TANGO6: variants seen among roughly 807,000 people sequenced by gnomAD.
The protein encoded by TANGO6 is transport and Golgi organization protein 6 homolog.
Under a neutral mutation model 114.2 loss-of-function variants are expected in TANGO6, and 90 were observed. That is an observed-to-expected ratio of 0.79 (90% CI 0.66 to 0.94). TANGO6 has a LOEUF of 0.94. TANGO6 is among the 40% of genes least tolerant of loss of function. The pLI is 0.00. For synonymous variants in TANGO6, 477 were observed against 509.8 expected, an observed-to-expected ratio of 0.94 and a Z score of 0.87; for missense variants, 1,274 against 1,315.3, an observed-to-expected ratio of 0.97 and a Z score of 0.49.
intron 14 of TANGO6, among the ~76,000 whole-genome samples, chr16:68,932,313 ACTC>A (rs996652588): frequency 1.3e-5 from 2 of 151,552 alleles, no homozygotes; most frequent in African/African-American, 4.9e-5. Context: ...CTGGTCTCGA[ACTC>A]CTGACCTTGG....
rs1436358783 is a variant in TANGO6 at position 68,922,081 on chromosome 16, G to A, written c.2127+2862G>A. On this transcript the variant is annotated intron_variant, in intron 12 of 17. Coordinates refer to ENST00000261778, the MANE Select transcript of TANGO6 (RefSeq NM_024562.2). The stretch of plus-strand genomic sequence containing the variant: ...TTTTTCCTATTTCTTACTAGGATTC[G>A]TTGTTTTGGCTTATTAAAAAAGAAT... Among the ~76,000 whole-genome samples, 5 of 151,992 alleles carry A rather than the reference G, an allele frequency of 3.3e-5. No individual in the cohort carries two copies. The South Asian group carries it at 6.2e-4, about 19-fold the overall frequency.
chr16:69,070,822 G>A (rs577064398), intron 17 of TANGO6, among the ~76,000 whole-genome samples: 8 of 150,750 alleles, frequency 5.3e-5, no homozygotes, highest in African/African-American at 1.9e-4. Flanking sequence ...TGCCCATGCT[G>A]GAATGTAATG....
chr16:68,963,043 G>A (rs1216393920), intron 14 of TANGO6, among the ~76,000 whole-genome samples: 2 of 147,598 alleles, frequency 1.4e-5, no homozygotes, highest in African/African-American at 5.0e-5. Flanking sequence ...GCAGTGAGCC[G>A]AGATCGCGCC....
At chr16:69,059,135 C>T (rs574408015) in intron 17 of TANGO6, among the ~76,000 whole-genome samples, 5 of 150,064 alleles carry the variant, frequency 3.3e-5, no homozygotes, top group Non-Finnish European at 4.4e-5. Flanking sequence ...AGTGCATTGG[C>T]GCTATCATGG....
intron 14 of TANGO6, among the ~76,000 whole-genome samples, chr16:68,972,033 A>G (rs1963710829): frequency 6.6e-6 from 1 of 152,096 alleles, no homozygotes; most frequent in Non-Finnish European, 1.5e-5. Flanking sequence ...CTACAACTAC[A>G]GTGTCACATT....
At chr16:68,952,597 A>T (rs1963481055) in intron 14 of TANGO6, among the ~76,000 whole-genome samples, 1 of 152,206 alleles carries the variant, frequency 6.6e-6, no homozygotes, top group Non-Finnish European at 1.5e-5. Flanking sequence ...TGAATGAAGC[A>T]TCAATTACCC....
chr16:69,015,602 T>C (rs1187333388), intron 15 of TANGO6, among the ~76,000 whole-genome samples: 1 of 151,856 alleles, frequency 6.6e-6, no homozygotes, highest in Non-Finnish European at 1.5e-5. Context: ...CTGCCTCAGC[T>C]TCCCGAGTAG....
intron 17 of TANGO6, among the ~76,000 whole-genome samples, chr16:69,050,297 A>G (rs1436515987): frequency 6.6e-6 from 1 of 152,118 alleles, no homozygotes; most frequent in Non-Finnish European, 1.5e-5. Flanking sequence ...GATAAGGTTT[A>G]GATTTTGCAT....
chr16:68,980,815 G>A (rs1597046126), intron 15 of TANGO6, among the ~76,000 whole-genome samples: 4 of 152,064 alleles, frequency 2.6e-5, no homozygotes, highest in Admixed American at 2.6e-4. Context: ...GTCTAACACC[G>A]TGAAACCCCG....
intron 4 of TANGO6, among the ~76,000 whole-genome samples, chr16:68,869,174 C>T (rs1962226791): frequency 6.6e-6 from 1 of 152,090 alleles, no homozygotes. Flanking sequence ...TTTAAATCTC[C>T]TTTTAATACA....
Position 68,906,997 on chromosome 16 carries a change from G to A in TANGO6, c.1668-446G>A, listed in dbSNP as rs547306450. On this transcript the variant is annotated intron_variant, in intron 9 of 17. Coordinates refer to ENST00000261778, the MANE Select transcript of TANGO6 (RefSeq NM_024562.2). ...TTTAGTAGAGACGGGGTTTCACCATGTTGGCCAGGCTAGTCTCAAACTCCT... is the reference window on the plus strand; with the variant it reads ...TTTAGTAGAGACGGGGTTTCACCATATTGGCCAGGCTAGTCTCAAACTCCT... Among the ~76,000 whole-genome samples, 11 of 151,528 alleles carry A rather than the reference G, an allele frequency of 7.3e-5. No individual in the cohort carries two copies. In the South Asian group the frequency reaches 2.1e-3, roughly 29 times the overall value.
chr16:68,907,479 A>G lies in TANGO6; in HGVS notation c.1704A>G (p.Val568=). The G allele has an allele frequency of 1.2e-6, 2 of 1,612,348 alleles. No individual in the cohort carries two copies. Among genetic ancestry groups the G allele is most frequent in the South Asian group, 2.2e-5 (2 of 90,716 alleles). Residue 568 remains valine (V), a synonymous_variant, in exon 10 of 18, where the codon GTA becomes GTG. Coordinates refer to ENST00000261778, the MANE Select transcript of TANGO6 (RefSeq NM_024562.2). ...AAGATGAAGCCCTGTACCAGAAGGT[A>G]TCCTCTGAGCAGGGCCGGGTGGAGC... is the stretch of plus-strand genomic sequence containing the variant. The part of the protein sequence containing the change: ...EDEDEALYQK[V]SSEQGRVEHL...
intron 16 of TANGO6, among the ~76,000 whole-genome samples, chr16:69,031,420 G>C (rs991131699): frequency 6.6e-6 from 1 of 152,020 alleles, no homozygotes; most frequent in Non-Finnish European, 1.5e-5. Flanking sequence ...TCATAGCAAG[G>C]CTGGGCACGG....
chr16:69,067,727 T>C (rs1453834814), intron 17 of TANGO6, among the ~76,000 whole-genome samples: 1 of 151,732 alleles, frequency 6.6e-6, no homozygotes, highest in Non-Finnish European at 1.5e-5. Flanking sequence ...CACTTGAAGT[T>C]GGGAGTTCAA....
intron 14 of TANGO6, among the ~76,000 whole-genome samples, chr16:68,949,320 T>G (rs1963447215): frequency 1.3e-5 from 2 of 151,972 alleles, no homozygotes; most frequent in South Asian, 4.2e-4. Context: ...ATAAATGACA[T>G]TTAAAAATAG....
chr16:68,932,413 G>T (rs980926470), intron 14 of TANGO6, among the ~76,000 whole-genome samples: 1 of 152,168 alleles, frequency 6.6e-6, no homozygotes. Context: ...AATTAAAGGG[G>T]AGAGGGCTAA....
intron 17 of TANGO6, among the ~76,000 whole-genome samples, chr16:69,054,330 TAG>T (rs1959998905): frequency 2.0e-5 from 3 of 152,068 alleles, no homozygotes. Flanking sequence ...ATGCAGAGAG[TAG>T]TAGAAGAGGG....
At chr16:69,081,910 T>A (rs1230621053) in intron 17 of TANGO6, among the ~76,000 whole-genome samples, 2 of 151,716 alleles carry the variant, frequency 1.3e-5, no homozygotes, top group Non-Finnish European at 2.9e-5. Flanking sequence ...CTCGGCTCAC[T>A]GCAACCTCCG....
intron 14 of TANGO6, among the ~76,000 whole-genome samples, chr16:68,961,133 A>G (rs747052231): frequency 6.6e-6 from 1 of 152,218 alleles, no homozygotes. Context: ...TGCATGTGGG[A>G]TGCAGAGTTC....
Sources: allele counts gnomAD v4.1 joint callset (sites outside exome capture counted in the v4.1 genomes callset), GRCh38; gene constraint gnomAD v4.1.1; transcripts MANE v1.5; gene names NCBI Gene and HGNC (gene_info 2026-07-23, HGNC 2026-07-21).